TSHR: variants seen among roughly 807,000 people sequenced by gnomAD.
TSHR encodes thyrotropin receptor.
TSHR carries 51 observed loss-of-function variants against 64.1 expected under a neutral mutation model. The ratio of observed to expected loss-of-function variants is 0.80; its 90% CI spans 0.64 to 1.01. The LOEUF is 1.01. Ranked by LOEUF, TSHR falls within the 50% of genes least tolerant of loss-of-function variation. The pLI is 0.00. For synonymous variants in TSHR, 361 were observed against 361.9 expected (o/e 1.00, Z 0.03); for missense variants, 877 against 942.8 (o/e 0.93, Z 0.91).
At position 81,068,284 on chromosome 14, in the gene TSHR, G is replaced by A. The variant is rs1886807474; in HGVS notation, c.273G>A (p.Gln91=). 1 of 1,613,140 alleles carries A rather than the reference G, an allele frequency of 6.2e-7. No individual in the cohort carries two copies. The highest frequency in any genetic ancestry group is 8.5e-7 in the Non-Finnish European group (1 of 1,179,436). The change falls in exon 3 of 10, where the codon CAG becomes CAA. Residue 91 remains glutamine, a synonymous_variant. Coordinates refer to ENST00000298171, the MANE Select transcript of TSHR (RefSeq NM_000369.5). ...IYVSIDVTLQ[Q]LESHSFYNLS... ...TATCTATAGATGTGACTCTGCAGCA[G>A]CTGGAATCACACTCCTTCTACAATT...
intron 7 of TSHR, among the ~76,000 whole-genome samples, chr14:81,105,984 C>T (rs1889867694): frequency 1.3e-5 from 2 of 151,966 alleles, no homozygotes; most frequent in African/African-American, 4.8e-5. Flanking sequence ...GGATTTTGCC[C>T]ACTCTGGGTG....
At chr14:81,045,181 AG>A (rs1465554153) in intron 1 of TSHR, among the ~76,000 whole-genome samples, 2 of 152,206 alleles carry the variant, frequency 1.3e-5, no homozygotes, top group Admixed American at 6.5e-5. Context: ...CTCACTTATA[AG>A]TAGGAGCTGA....
Position 81,096,692 on chromosome 14 carries a change from C to A in TSHR, c.599C>A (p.Thr200Lys). ...TSVQGYAFNG[T>K]KLDAVYLNKN... ...GTCCAAGGATATGCTTTCAATGGGA[C>A]AAAGCTGGATGCTGTGTAAGTCAAG... is the stretch of plus-strand genomic sequence containing the variant. The change falls in exon 7 of 10, where the codon ACA becomes AAA. Residue 200 changes from threonine (T) to lysine (K), a missense_variant. Coordinates refer to ENST00000298171, the MANE Select transcript of TSHR (RefSeq NM_000369.5). 1.2e-6 allele frequency: 2 copies of A among 1,613,678 alleles called. No individual in the cohort carries two copies. The highest frequency in any genetic ancestry group is 1.7e-6 in the Non-Finnish European group (2 of 1,179,698).
intron 1 of TSHR, among the ~76,000 whole-genome samples, chr14:81,030,080 T>C (rs1311736688): frequency 6.6e-6 from 1 of 152,162 alleles, no homozygotes; most frequent in Non-Finnish European, 1.5e-5. Flanking sequence ...GGACCTACAA[T>C]TACTGGAGCA....
At chr14:81,028,199 G>C (rs1884169304) in intron 1 of TSHR, among the ~76,000 whole-genome samples, 1 of 152,096 alleles carries the variant, frequency 6.6e-6, no homozygotes, top group South Asian at 2.1e-4. Context: ...AGAAATCACA[G>C]ACCAATGGTA....
chr14:81,044,856 G>A (rs940181361), intron 1 of TSHR, among the ~76,000 whole-genome samples: 2 of 152,108 alleles, frequency 1.3e-5, no homozygotes, highest in African/African-American at 2.4e-5. Flanking sequence ...CCTCAACAAT[G>A]TAGAGGCAGA....
chr14:81,104,149 T>G lies in TSHR; in HGVS notation c.615-4226T>G, dbSNP rs1889748592. The G allele has an allele frequency of 3.0e-6, 3 of 985,440 alleles. No individual in the cohort carries two copies. The South Asian group carries it at 1.4e-4, about 46-fold the overall frequency. The allele number at this position is 985,440 out of a possible 1,614,324, so 61.0% of individuals were successfully genotyped here. A position where few individuals can be genotyped will look rare whatever the true frequency, so the allele number is the denominator to read the frequency against. On this transcript the variant is annotated intron_variant, in intron 7 of 9. Transcript: ENST00000298171. ...CCTCTGCCTATTGAGAGCTTGAGTA[T>G]TTTCTCACAGGTTACTATTTACAAA...
In TSHR at chr14:81,065,537, A is replaced by G. The variant is rs150611939; in HGVS notation, c.243-2717A>G. ...ATAGGAGACACCCAGGCAGATCTGA[A>G]GGCTCCACTGAGGCTTCCCCCAGGG... On this transcript the variant is annotated intron_variant, in intron 2 of 9. Coordinates refer to ENST00000298171, the MANE Select transcript of TSHR (RefSeq NM_000369.5). 1.8e-3 allele frequency among the ~76,000 whole-genome samples: 268 copies of G among 152,256 alleles called. 1 individual carries two copies. Among genetic ancestry groups the G allele is most frequent in the Middle Eastern group, 0.014 (4 of 294 alleles).
At chr14:81,109,883 T>A (rs778765399) in intron 8 of TSHR, among the ~76,000 whole-genome samples, 1 of 152,248 alleles carries the variant, frequency 6.6e-6, no homozygotes, top group African/African-American at 2.4e-5. Context: ...GGAAAAAATG[T>A]ATTAACCTTT....
At chr14:81,100,867 C>A (rs1432284643) in intron 7 of TSHR, among the ~76,000 whole-genome samples, 1 of 152,224 alleles carries the variant, frequency 6.6e-6, no homozygotes, top group Non-Finnish European at 1.5e-5. Flanking sequence ...CAAACCCTCT[C>A]CTCTCTGGCT....
chr14:81,043,936 C>T lies in TSHR; in HGVS notation c.171-18212C>T, dbSNP rs151179126. On this transcript the variant is annotated intron_variant, in intron 1 of 9. Coordinates refer to ENST00000298171, the MANE Select transcript of TSHR (RefSeq NM_000369.5). ...CTTACACCATATACAAAAATTAACT[C>T]GAGATGGATTAAAGACTTAAATGTA... Among the ~76,000 whole-genome samples the T allele has an allele frequency of 3.8e-3, 577 of 152,236 alleles. 1 individual carries two copies. The highest frequency in any genetic ancestry group is 6.7e-3 in the Non-Finnish European group (456 of 68,016).
chr14:80,973,334 G>A (rs981697312), intron 1 of TSHR, among the ~76,000 whole-genome samples: 24 of 146,488 alleles, frequency 1.6e-4, no homozygotes, highest in African/African-American at 5.8e-4. Context: ...GAACCCCGGG[G>A]GGCGGAGCCT....
intron 7 of TSHR, among the ~76,000 whole-genome samples, chr14:81,097,129 T>C (rs1889258594): frequency 6.6e-6 from 1 of 152,190 alleles, no homozygotes. Context: ...CTTTTGCCTT[T>C]TCAAAAAATA....
intron 8 of TSHR, among the ~76,000 whole-genome samples, chr14:81,119,721 C>T (rs1238243346): frequency 1.6e-5 from 2 of 126,632 alleles, no homozygotes; most frequent in Non-Finnish European, 3.2e-5. Flanking sequence ...TATAAAGACA[C>T]GTGCACACGT....
At chr14:81,098,772 G>A (rs1170189281) in intron 7 of TSHR, among the ~76,000 whole-genome samples, 1 of 152,172 alleles carries the variant, frequency 6.6e-6, no homozygotes, top group African/African-American at 2.4e-5. Context: ...CCTGAATTCA[G>A]TGTGTTCACC....
Position 81,091,628 on chromosome 14 carries a change from G to A in TSHR, c.467+485G>A, listed in dbSNP as rs571673946. On this transcript the variant is annotated intron_variant, in intron 5 of 9. Coordinates refer to ENST00000298171, the MANE Select transcript of TSHR (RefSeq NM_000369.5). ...TAACTATGATACCTTATTTTTCATA[G>A]AGTTTTAATAGTTTTTTAAACACTT... Among the ~76,000 whole-genome samples, 50 of 152,332 alleles carry A rather than the reference G, an allele frequency of 3.3e-4. 1 individual carries two copies. The South Asian group carries it at 9.9e-3, about 30-fold the overall frequency.
intron 1 of TSHR, among the ~76,000 whole-genome samples, chr14:81,002,253 A>G (rs1889362173): frequency 6.6e-6 from 1 of 152,142 alleles, no homozygotes; most frequent in African/African-American, 2.4e-5. Context: ...GTAAGGGATT[A>G]TAGCCCTTTA....
rs1229492060 is a variant in TSHR, at chr14:81,088,048, C to T, written c.392+20C>T. 6.3e-7 allele frequency: 1 copy of T among 1,588,224 alleles called. No homozygotes were observed. The highest frequency in any genetic ancestry group is 8.6e-7 in the Non-Finnish European group (1 of 1,156,554). On this transcript the variant is annotated intron_variant, in intron 4 of 9. Coordinates refer to ENST00000298171, the MANE Select transcript of TSHR (RefSeq NM_000369.5). ...GTTCCTGTAAGTATTAAATCCTCTC[C>T]CATCCTACTTTTCTGGGGGGAGGGG...
chr14:81,025,255 A>T, intron 1 of TSHR, among the ~76,000 whole-genome samples: 1 of 152,316 alleles, frequency 6.6e-6, no homozygotes, highest in Non-Finnish European at 1.5e-5. Flanking sequence ...AGATGAGTAT[A>T]TCCCTAGCTT....
Sources: allele counts gnomAD v4.1 joint callset (sites outside exome capture counted in the v4.1 genomes callset), GRCh38; gene constraint gnomAD v4.1.1; transcripts MANE v1.5; gene names NCBI Gene and HGNC (gene_info 2026-07-23, HGNC 2026-07-21).